Variants in CDC7 observed in about 807,000 individuals in gnomAD.
CDC7 encodes cell division cycle 7, also known as cell division cycle 7-related protein kinase.
CDC7 carries 34 observed loss-of-function variants against 53.5 expected under a neutral mutation model. The ratio of observed to expected loss-of-function variants is 0.64; its 90% confidence interval spans 0.48 to 0.85. The LOEUF (loss-of-function observed/expected upper bound fraction) is 0.85. CDC7 is among the 40% of genes least tolerant of loss of function. The pLI is 0.00. For missense variants in CDC7, 594 were observed against 679.7 expected, an observed-to-expected ratio of 0.87 and a Z score of 1.40; for synonymous variants, 211 against 222.8, an observed-to-expected ratio of 0.95 and a Z score of 0.47.
chr1:91,518,060 C>T lies in CDC7; in HGVS notation c.1181-2070C>T, dbSNP rs564814465. 2.3e-4 allele frequency among the ~76,000 whole-genome samples: 28 copies of T among 124,282 alleles called. No individual in the cohort carries two copies. In the Admixed American group the frequency reaches 2.5e-3, roughly 11 times the overall value. 81.5% of individuals were successfully genotyped at this position (124,282 alleles called of 152,430 possible). A position where few individuals can be genotyped will look rare whatever the true frequency, so the allele number is the denominator to read the frequency against. ...AGTGAGCCAAGATCGCACCATTGCA[C>T]TCCAGCCTGAGCAACAGAGTGAGAC... On this transcript the variant is annotated intron_variant, in intron 10 of 11. Coordinates refer to ENST00000234626, the MANE Select transcript of CDC7 (RefSeq NM_003503.4).
At chr1:91,523,313 A>G (rs1668073249) in intron 11 of CDC7, among the ~76,000 whole-genome samples, 1 of 152,152 alleles carries the variant, frequency 6.6e-6, no homozygotes, top group African/African-American at 2.4e-5. Flanking sequence ...CAGCATCTCT[A>G]AGGATGTATG....
intron 7 of CDC7, 140 bp downstream of exon 7, chr1:91,513,447 T>G: frequency 1.6e-6 from 1 of 622,356 alleles, no homozygotes; most frequent in Non-Finnish European, 2.7e-6. Context: ...ATTCATTTGA[T>G]TAAATTTTCA....
At position 91,508,177 on chromosome 1, in the gene CDC7, A is replaced by C. The variant is rs1313892941; in HGVS notation, c.200-85A>C. On this transcript the variant is annotated intron_variant, in intron 3 of 11. Coordinates refer to ENST00000234626, the MANE Select transcript of CDC7 (RefSeq NM_003503.4). ...CTGTTTTAATGTATTATGCCATTGA[A>C]ACAGTTTTTACAATCTATCTTAGAA... 3 of 1,091,148 alleles carry C rather than the reference A, an allele frequency of 2.7e-6. No individual in the cohort carries two copies. The African/African-American group carries it at 4.8e-5, about 18-fold the overall frequency. 67.6% of individuals were successfully genotyped at this position (1,091,148 alleles called of 1,614,324 possible). A position where few individuals can be genotyped will look rare whatever the true frequency, so the allele number is the denominator to read the frequency against.
chr1:91,501,461 C>A, intron 1 of CDC7, 193 bp from the exon 2 acceptor site: 1 of 386,638 alleles, frequency 2.6e-6, no homozygotes, highest in South Asian at 6.8e-5. Context: ...TCCCTGCAGC[C>A]CCCTGCCGGT....
intron 11 of CDC7, among the ~76,000 whole-genome samples, chr1:91,522,989 A>G (rs1557603163): frequency 6.6e-6 from 1 of 152,220 alleles, no homozygotes; most frequent in Non-Finnish European, 1.5e-5. Flanking sequence ...TTAATAAGGA[A>G]ATGTAAGGCA....
intron 6 of CDC7, among the ~76,000 whole-genome samples, chr1:91,512,252 A>C (rs935412949): frequency 6.6e-6 from 1 of 152,126 alleles, no homozygotes; most frequent in Non-Finnish European, 1.5e-5. Flanking sequence ...ACATACTGCA[A>C]TAGCCATGCA....
chr1:91,520,065 C>T, intron 10 of CDC7, 65 bp from the exon 11 acceptor site: 1 of 1,286,388 alleles, frequency 7.8e-7, no homozygotes, highest in Non-Finnish European at 1.1e-6. Flanking sequence ...ATGTTGAGGA[C>T]TATTGATTTA....
chr1:91,502,971 CAT>C (rs1666781898), intron 2 of CDC7, among the ~76,000 whole-genome samples: 2 of 152,096 alleles, frequency 1.3e-5, no homozygotes, highest in South Asian at 2.1e-4. Context: ...TCACTGGACA[CAT>C]AACACAGTAA....
rs1410173324 is a variant in CDC7, at chr1:91,513,223, G to A, written c.738G>A (p.Leu246=). The change falls in exon 7 of 12, where the codon CTG becomes CTA. Residue 246 remains leucine, a synonymous_variant. Transcript: ENST00000234626. ...TGAGTGGCCCAGTACCTAAGGAGCT[G>A]GATCAGCAGTCCACCACAAAAGCTT... The part of the protein sequence containing the change: ...IPLSGPVPKE[L]DQQSTTKASV... 1 of 1,613,490 alleles carries A rather than the reference G, an allele frequency of 6.2e-7. No homozygotes were observed. The highest frequency in any genetic ancestry group is 8.5e-7 in the Non-Finnish European group (1 of 1,179,570).
chr1:91,503,054 C>T (rs573079067), intron 2 of CDC7, among the ~76,000 whole-genome samples: 83 of 152,212 alleles, frequency 5.5e-4, no homozygotes, highest in African/African-American at 1.8e-3. Context: ...AACCCCTTGG[C>T]GGCAGTATCT....
chr1:91,504,348 C>T (rs1485981716), intron 2 of CDC7, among the ~76,000 whole-genome samples: 2 of 152,068 alleles, frequency 1.3e-5, no homozygotes, highest in East Asian at 3.9e-4. Flanking sequence ...CTCAAGTGAT[C>T]CCCTCCTATC....
chr1:91,500,883 T>TG lies in CDC7; in HGVS notation c.-125dup, dbSNP rs1230025066. The TG allele has an allele frequency of 2.6e-5, 4 of 152,064 alleles. No homozygotes were observed. The highest frequency in any genetic ancestry group is 3.1e-3 in the Middle Eastern group (1 of 318). The allele number at this position is 152,064 out of a possible 1,614,324, so 9.4% of individuals were successfully genotyped here. On this transcript the variant is annotated 5_prime_UTR_variant, in exon 1 of 12. Transcript: ENST00000234626. ...AGGCGCATCCGATCGACTCGGTAGG[T>TG]GGGGATCTCTTGGAGACGGCGACCC...
At chr1:91,501,383 G>A (rs1359406835) in intron 1 of CDC7, 4 of 263,910 alleles carry the variant, frequency 1.5e-5, no homozygotes, top group African/African-American at 2.2e-5. Flanking sequence ...CGCTGGCTGT[G>A]CCGGACTGGC....
chr1:91,518,135 G>A (rs1667677824), intron 10 of CDC7, among the ~76,000 whole-genome samples: 1 of 134,160 alleles, frequency 7.5e-6, no homozygotes, highest in Non-Finnish European at 1.6e-5. Context: ...AGTAGCCCAA[G>A]GAACAGAGAG....
At chr1:91,513,854 C>G in intron 7 of CDC7, 94 bp from the exon 8 acceptor site, 1 of 831,022 alleles carries the variant, frequency 1.2e-6, no homozygotes. Context: ...TTTGTTTCAT[C>G]TCACTTAACT....
intron 10 of CDC7, among the ~76,000 whole-genome samples, chr1:91,519,437 AAAAAG>A (rs1363523083): frequency 2.0e-5 from 3 of 152,004 alleles, no homozygotes; most frequent in African/African-American, 7.2e-5. Flanking sequence ...TCAAAAAGAA[AAAAAG>A]AAAAGAATAT....
intron 10 of CDC7, among the ~76,000 whole-genome samples, chr1:91,517,173 CTA>C (rs1667603234): frequency 6.6e-6 from 1 of 152,110 alleles, no homozygotes; most frequent in South Asian, 2.1e-4. Flanking sequence ...ACAGTTTGGA[CTA>C]TATACTGTAG....
At chr1:91,522,306 C>T (rs1667996176) in intron 11 of CDC7, among the ~76,000 whole-genome samples, 1 of 152,150 alleles carries the variant, frequency 6.6e-6, no homozygotes, top group African/African-American at 2.4e-5. Context: ...CAACTGTGTT[C>T]CCCTTTGTAA....
intron 11 of CDC7, among the ~76,000 whole-genome samples, chr1:91,523,078 A>C (rs185764700): frequency 1.7e-4 from 26 of 152,348 alleles, no homozygotes; most frequent in African/African-American, 6.0e-4. Flanking sequence ...AAGTTATTTC[A>C]AATACATTTA....
Sources: gnomAD v4.1 joint callset for allele counts (sites outside exome capture counted in the v4.1 genomes callset) on GRCh38, gnomAD v4.1.1 for gene constraint, MANE v1.5 for transcripts, NCBI Gene and HGNC (gene_info 2026-07-23, HGNC 2026-07-21) for gene names.